The following GDA variants were observed in gnomAD, a reference collection of about 807,000 sequenced individuals.
The protein encoded by GDA is cytoplasmic PSD-95 interactor.
A neutral mutation model predicts 59.6 loss-of-function variants in GDA; 18 were observed. The ratio of observed to expected loss-of-function variants is 0.30; its 90% CI spans 0.21 to 0.45. The LOEUF is 0.45. GDA is among the 20% of genes least tolerant of loss of function. The pLI is 1.00. For missense variants in GDA, 427 were observed against 552.3 expected (o/e 0.77, Z 2.27); for synonymous variants, 201 against 201.1 (o/e 1.00, Z 0.00).
At chr9:72,215,247 A>G (rs1222995940) in intron 5 of GDA, among the ~76,000 whole-genome samples, 2 of 152,218 alleles carry the variant, frequency 1.3e-5, no homozygotes, top group South Asian at 4.1e-4. Flanking sequence ...AAAGACTTTC[A>G]CTACAAAAGG....
chr9:72,225,736 T>C lies in GDA; in HGVS notation c.774T>C (p.Tyr258=). The C allele has an allele frequency of 6.5e-7, 1 of 1,543,762 alleles. No homozygotes were observed. The highest frequency in any genetic ancestry group is 2.3e-5 in the East Asian group (1 of 44,410). Residue 258 remains tyrosine (Y), a synonymous_variant, in exon 8 of 14, where the codon TAT becomes TAC. Transcript: ENST00000358399. ...CTGTGAAAAACTTATACCCCAGTTA[T>C]AAAAACTACACATCTGTGTATGATA... ...VEAVKNLYPS[Y]KNYTSVYDKN... is the part of the protein sequence containing the mutation.
At chr9:72,183,753 G>A (rs1292498302) in intron 1 of GDA, among the ~76,000 whole-genome samples, 1 of 152,170 alleles carries the variant, frequency 6.6e-6, no homozygotes, top group Non-Finnish European at 1.5e-5. Flanking sequence ...TGTAAAGTAT[G>A]TAGGATGGTG....
chr9:72,177,422 A>G (rs775359820), intron 1 of GDA, among the ~76,000 whole-genome samples: 1 of 152,006 alleles, frequency 6.6e-6, no homozygotes, highest in Non-Finnish European at 1.5e-5. Flanking sequence ...AAACTTTAAA[A>G]CTTGTTAAAA....
At chr9:72,143,581 A>G (rs934315452) in intron 1 of GDA, among the ~76,000 whole-genome samples, 7 of 152,184 alleles carry the variant, frequency 4.6e-5, no homozygotes, top group African/African-American at 1.7e-4. Context: ...CCAGAAAAAT[A>G]TCTCCCTGCA....
At chr9:72,123,720 C>T (rs1380393721) in intron 1 of GDA, among the ~76,000 whole-genome samples, 3 of 152,040 alleles carry the variant, frequency 2.0e-5, no homozygotes, top group Admixed American at 1.3e-4. Context: ...CTCTCGACCT[C>T]AAGTGATCCA....
At chr9:72,156,122 A>C (rs1038912863) in intron 1 of GDA, among the ~76,000 whole-genome samples, 1 of 152,222 alleles carries the variant, frequency 6.6e-6, no homozygotes, top group African/African-American at 2.4e-5. Flanking sequence ...AGGTAAGTGC[A>C]TCAAGAGTGA....
intron 1 of GDA, among the ~76,000 whole-genome samples, chr9:72,190,802 G>A (rs1000405557): frequency 3.3e-5 from 3 of 91,014 alleles, no homozygotes; most frequent in Non-Finnish European, 4.4e-5. Flanking sequence ...ACAGTGGCCC[G>A]GGAATATAAG....
chr9:72,210,703 A>G lies in GDA; in HGVS notation c.401A>G (p.Asn134Ser). Residue 134 changes from asparagine to serine, a missense_variant, in exon 4 of 14, where the codon AAT (asparagine) becomes AGT (serine). Physicochemically the swap from Asn to Ser is conservative, Grantham distance 46 (BLOSUM62 1). Transcript: ENST00000358399. ...TATTTTTAGAGGAGAACACTAAAGA[A>G]TGGAACAACCACAGCTTGTTACTTT... ...YTRVVRRTLK[N>S]GTTTACYFAT... 6.2e-7 allele frequency: 1 copy of G among 1,606,980 alleles called. No individual in the cohort carries two copies. The highest frequency in any genetic ancestry group is 1.3e-5 in the African/African-American group (1 of 74,878).
intron 9 of GDA, among the ~76,000 whole-genome samples, chr9:72,230,768 G>A (rs1330190451): frequency 2.0e-5 from 3 of 152,056 alleles, no homozygotes; most frequent in Non-Finnish European, 2.9e-5. Flanking sequence ...AACATAAAAA[G>A]ATGTGTTGGT....
chr9:72,149,389 C>T (rs1587344809), upstream of GDA: 1 of 629,462 alleles, frequency 1.6e-6, no homozygotes, highest in Non-Finnish European at 2.6e-6. Flanking sequence ...AGGGAGCCAG[C>T]CCCTGGGCGC....
upstream of GDA, among the ~76,000 whole-genome samples, chr9:72,148,301 GTGTGTGTA>G (rs1319771571): frequency 9.8e-3 from 824 of 83,766 alleles, 9 homozygotes; most frequent in South Asian, 0.037. Context: ...TCTGTTATTG[GTGTGTGTA>G]TGTGTGTGTG....
At chr9:72,214,805 C>T (rs1835889916) in intron 5 of GDA, 1 of 272,320 alleles carries the variant, frequency 3.7e-6, no homozygotes, top group African/African-American at 2.4e-5. Flanking sequence ...GCGATCTCAG[C>T]TCACTGAAAC....
intron 1 of GDA, among the ~76,000 whole-genome samples, chr9:72,167,593 C>T (rs1829474500): frequency 6.6e-6 from 1 of 152,200 alleles, no homozygotes; most frequent in South Asian, 2.1e-4. Flanking sequence ...TTTCTGCGCC[C>T]AGCCTCTGCC....
intron 1 of GDA, among the ~76,000 whole-genome samples, chr9:72,178,413 A>ATTT (rs145032320): frequency 0.011 from 1,272 of 117,098 alleles, 40 homozygotes; most frequent in African/African-American, 0.042. Context: ...TGGAATCGAT[A>ATTT]TTTTTTTTTT....
chr9:72,189,166 C>CTTTTTTTTTT, intron 1 of GDA, among the ~76,000 whole-genome samples: 1 of 54,940 alleles, frequency 1.8e-5, no homozygotes, highest in Non-Finnish European at 3.3e-5. Context: ...AGACTCTAGA[C>CTTTTTTTTTT]TTTTTTTTTT....
At chr9:72,141,334 A>G (rs1826433160) in intron 1 of GDA, among the ~76,000 whole-genome samples, 2 of 152,176 alleles carry the variant, frequency 1.3e-5, no homozygotes, top group African/African-American at 4.8e-5. Flanking sequence ...TCATTTATAT[A>G]TAATATTAAA....
At chr9:72,125,458 G>A (rs1428955640) in intron 1 of GDA, among the ~76,000 whole-genome samples, 1 of 151,734 alleles carries the variant, frequency 6.6e-6, no homozygotes, top group Non-Finnish European at 1.5e-5. Context: ...CCAGGCTCAA[G>A]TGATCCTCCC....
At chr9:72,186,530 T>G (rs1461265495) in intron 1 of GDA, among the ~76,000 whole-genome samples, 1 of 152,138 alleles carries the variant, frequency 6.6e-6, no homozygotes, top group Admixed American at 6.5e-5. Flanking sequence ...ACCATAACCC[T>G]CACTATGAAG....
At chr9:72,150,792 A>G (rs192399197) in intron 1 of GDA, among the ~76,000 whole-genome samples, 14 of 152,320 alleles carry the variant, frequency 9.2e-5, no homozygotes, top group Admixed American at 6.5e-4. Flanking sequence ...TACTCTTTCT[A>G]TGCACGTTCA....
Sources: gnomAD v4.1 joint callset for allele counts (sites outside exome capture counted in the v4.1 genomes callset) on GRCh38, gnomAD v4.1.1 for gene constraint, MANE v1.5 for transcripts, NCBI Gene and HGNC (gene_info 2026-07-23, HGNC 2026-07-21) for gene names.